Variants in PDE1C observed in about 807,000 individuals in gnomAD.
PDE1C encodes dual specificity calcium/calmodulin-dependent 3',5'-cyclic nucleotide phosphodiesterase 1C.
In PDE1C, 62 loss-of-function variants were observed where a neutral mutation model predicts 93.1. The ratio of observed to expected loss-of-function variants is 0.67; its 90% CI spans 0.54 to 0.82. PDE1C has a LOEUF of 0.82. PDE1C is among the 40% of genes least tolerant of loss of function. The pLI is 0.00. For synonymous variants in PDE1C, 325 were observed against 310.1 expected, an observed-to-expected ratio of 1.05 and a Z score of -0.50; for missense variants, 742 against 884.6, an observed-to-expected ratio of 0.84 and a Z score of 2.04.
upstream of PDE1C, chr7:32,070,471 C>G: frequency 1.3e-6 from 2 of 1,576,844 alleles, no homozygotes; most frequent in East Asian, 2.3e-5. Context: ...GCCCAGCTCG[C>G]GATGCCCAGC....
At chr7:32,212,132 G>A (rs1298176986) in intron 1 of PDE1C, among the ~76,000 whole-genome samples, 1 of 151,932 alleles carries the variant, frequency 6.6e-6, no homozygotes, top group African/African-American at 2.4e-5. Context: ...TTTAAAATGG[G>A]ATTACAAAGA....
Position 31,837,159 on chromosome 7 carries a change from GGAGA to G in PDE1C, c.1203+17_1203+20del. ...AATATCCAATGATGACAGTCCTGAT[GGAGA>G]GAGAGCAACAAGGTACCTGTCTGAA... On this transcript the variant is annotated intron_variant, in intron 11 of 17. Coordinates refer to ENST00000396191, the MANE Select transcript of PDE1C (RefSeq NM_001191057.4). 8 of 1,609,456 alleles carry G rather than the reference GGAGA, an allele frequency of 5.0e-6. No individual in the cohort carries two copies. The African/African-American group carries it at 9.4e-5, about 19-fold the overall frequency.
intron 2 of PDE1C, among the ~76,000 whole-genome samples, chr7:31,925,037 T>TTC (rs1195690075): frequency 8.6e-6 from 1 of 116,260 alleles, no homozygotes; most frequent in East Asian, 2.6e-4. Flanking sequence ...AAGTAGACAT[T>TTC]TCTGTGTGTG....
intron 2 of PDE1C, among the ~76,000 whole-genome samples, chr7:32,171,808 T>C (rs1273597770): frequency 1.3e-5 from 2 of 149,268 alleles, no homozygotes; most frequent in African/African-American, 5.0e-5. Context: ...CCCTTGGAAA[T>C]AGAGGGACTA....
chr7:32,070,511 T>C, upstream of PDE1C: 1 of 1,520,238 alleles, frequency 6.6e-7, no homozygotes, highest in Non-Finnish European at 8.8e-7. Context: ...CCCGGCACTT[T>C]CTCGGCGCGC....
chr7:31,808,477 C>T (rs6959241), intron 16 of PDE1C, among the ~76,000 whole-genome samples: 5,295 of 151,992 alleles, frequency 0.035, 110 homozygotes, highest in South Asian at 0.097. Flanking sequence ...GTTAATCTTG[C>T]GTTTTGCATT....
chr7:32,151,565 AAG>A (rs1801260133), intron 3 of PDE1C, among the ~76,000 whole-genome samples: 1 of 152,258 alleles, frequency 6.6e-6, no homozygotes, highest in Admixed American at 6.5e-5. Context: ...CAGCAACAAA[AAG>A]AAATGATCAT....
At chr7:32,360,570 C>A (rs555263913) in intron 1 of PDE1C, among the ~76,000 whole-genome samples, 182 of 152,268 alleles carry the variant, frequency 1.2e-3, no homozygotes, top group South Asian at 2.9e-3. Flanking sequence ...AAACCTGGGG[C>A]CAGCTTCATG....
chr7:32,334,608 C>A (rs1783580384), intron 1 of PDE1C, among the ~76,000 whole-genome samples: 1 of 121,470 alleles, frequency 8.2e-6, no homozygotes. Flanking sequence ...CCCCCCATGT[C>A]CCCAAAGTCC....
intron 2 of PDE1C, among the ~76,000 whole-genome samples, chr7:31,914,893 A>C (rs944443874): frequency 6.6e-6 from 1 of 152,196 alleles, no homozygotes; most frequent in African/African-American, 2.4e-5. Context: ...GAATGAATCC[A>C]TTATCACAGA....
At chr7:31,759,817 T>A (rs867901400) in intron 17 of PDE1C, among the ~76,000 whole-genome samples, 2 of 152,304 alleles carry the variant, frequency 1.3e-5, no homozygotes, top group South Asian at 2.1e-4. Flanking sequence ...AAGGTATCTA[T>A]GATTTTCTCC....
At chr7:31,924,603 G>A (rs896054984) in intron 2 of PDE1C, among the ~76,000 whole-genome samples, 1 of 152,090 alleles carries the variant, frequency 6.6e-6, no homozygotes, top group Non-Finnish European at 1.5e-5. Flanking sequence ...TCTTTCCAAT[G>A]TCATTTCCTC....
chr7:32,357,031 C>A lies in PDE1C; in HGVS notation c.310+70791G>T, dbSNP rs149004834. On this transcript the variant is annotated intron_variant, in intron 1 of 1. Coordinates refer to the PDE1C transcript ENST00000672256. ...AGCCTGTCTTCACTTCTGAGCATAT[C>A]ATTTGTGTATAAAAACTTTAGGCCG... Among the ~76,000 whole-genome samples, 1,465 of 152,268 alleles carry A rather than the reference C, an allele frequency of 9.6e-3. 35 individuals carry two copies. Among genetic ancestry groups the A allele is most frequent in the Admixed American group, 0.043 (660 of 15,286 alleles).
At chr7:32,130,418 C>T (rs1408269806) in intron 3 of PDE1C, among the ~76,000 whole-genome samples, 2 of 152,120 alleles carry the variant, frequency 1.3e-5, no homozygotes, top group Non-Finnish European at 2.9e-5. Context: ...TTCCTCTCTC[C>T]TCCCTGCTTT....
chr7:32,214,292 C>T (rs1450710679), intron 1 of PDE1C, among the ~76,000 whole-genome samples: 1 of 152,080 alleles, frequency 6.6e-6, no homozygotes, highest in South Asian at 2.1e-4. Context: ...AGGCACCTGC[C>T]ATCTCTAGTC....
the PDE1C span, among the ~76,000 whole-genome samples, chr7:31,657,079 T>C: frequency 7.7e-5 from 1 of 12,920 alleles, no homozygotes; most frequent in African/African-American, 3.1e-4. Context: ...ATGTATCATA[T>C]ATATTTTATA....
chr7:31,844,617 T>C (rs993792737), intron 9 of PDE1C, among the ~76,000 whole-genome samples: 1 of 152,050 alleles, frequency 6.6e-6, no homozygotes, highest in Non-Finnish European at 1.5e-5. Context: ...CTCAGTGTTC[T>C]TTTCATCGAA....
intron 4 of PDE1C, among the ~76,000 whole-genome samples, chr7:31,878,482 TA>T (rs1796865925): frequency 6.6e-6 from 1 of 152,218 alleles, no homozygotes; most frequent in Non-Finnish European, 1.5e-5. Context: ...GTGGTGTTTC[TA>T]AAATGTATAA....
chr7:31,878,610 C>G (rs563688518), intron 4 of PDE1C, among the ~76,000 whole-genome samples: 1 of 152,100 alleles, frequency 6.6e-6, no homozygotes, highest in African/African-American at 2.4e-5. Flanking sequence ...GTCTTGGGGA[C>G]TTCAAACCAC....
Sources: allele counts gnomAD v4.1 joint callset (sites outside exome capture counted in the v4.1 genomes callset), GRCh38; gene constraint gnomAD v4.1.1; transcripts MANE v1.5; gene names NCBI Gene and HGNC (gene_info 2026-07-23, HGNC 2026-07-21).